GNG4: variants seen among roughly 807,000 people sequenced by gnomAD.
GNG4 encodes the protein G protein subunit gamma 4.
In GNG4, 4 loss-of-function variants were observed where a neutral mutation model predicts 5.8. That is an observed-to-expected ratio of 0.69 (90% CI 0.34 to 1.57). The LOEUF is 1.57. GNG4 is among the 40% of genes most tolerant of loss of function. The pLI is 0.06. For synonymous variants in GNG4, 29 were observed against 32.9 expected (o/e 0.88, Z 0.41); for missense variants, 96 against 95.1 (o/e 1.01, Z -0.04).
intron 3 of GNG4, among the ~76,000 whole-genome samples, chr1:235,572,224 T>G (rs772138739): frequency 4.6e-5 from 7 of 152,170 alleles, no homozygotes; most frequent in Non-Finnish European, 7.3e-5. Context: ...TAGATATCTT[T>G]TTTTTGAGAT....
At chr1:235,553,007 C>T (rs1456104547) in intron 3 of GNG4, among the ~76,000 whole-genome samples, 1 of 152,194 alleles carries the variant, frequency 6.6e-6, no homozygotes, top group Non-Finnish European at 1.5e-5. Context: ...GATCTGCCCA[C>T]CTCGGCTTCC....
chr1:235,583,380 C>T (rs1022818668), intron 3 of GNG4, among the ~76,000 whole-genome samples: 1 of 152,174 alleles, frequency 6.6e-6, no homozygotes, highest in African/African-American at 2.4e-5. Flanking sequence ...TCAAAATATC[C>T]GATGTTGTTG....
Position 235,583,776 on chromosome 1 carries a change from C to T in GNG4, c.63G>A (p.Glu21=), listed in dbSNP as rs199996399. Residue 21 remains glutamate (E), a synonymous_variant, in exon 3 of 4, where the codon GAG becomes GAA. Transcript: ENST00000391854. ...TSISQARKAV[E]QLKMEACMDR... ...CCATACAGGCTTCCATCTTTAGCTG[C>T]TCCACAGCTTTCCTGGCTTGGGAGA... The T allele has an allele frequency of 3.4e-5, 55 of 1,613,556 alleles. No individual in the cohort carries two copies. The highest frequency in any genetic ancestry group is 3.0e-5 in the Non-Finnish European group (35 of 1,179,604).
intron 2 of GNG4, among the ~76,000 whole-genome samples, chr1:235,590,419 C>T (rs907785840): frequency 6.6e-6 from 1 of 151,920 alleles, no homozygotes; most frequent in African/African-American, 2.4e-5. Context: ...TGCGCCACTG[C>T]ACTCCAGCCT....
chr1:235,592,099 G>A (rs776899656), intron 2 of GNG4, among the ~76,000 whole-genome samples: 1 of 152,178 alleles, frequency 6.6e-6, no homozygotes, highest in Non-Finnish European at 1.5e-5. Context: ...CTTAACATAT[G>A]TCTCTGAGTT....
At chr1:235,621,253 TTC>T (rs1688704468) in intron 1 of GNG4, among the ~76,000 whole-genome samples, 1 of 150,662 alleles carries the variant, frequency 6.6e-6, no homozygotes, top group African/African-American at 2.5e-5. Context: ...TTTTTAATTT[TTC>T]TTTTTTCTTT....
intron 1 of GNG4, among the ~76,000 whole-genome samples, chr1:235,606,223 A>G (rs1246891488): frequency 6.6e-6 from 1 of 152,116 alleles, no homozygotes; most frequent in African/African-American, 2.4e-5. Context: ...CTATTAAAAA[A>G]TACAAAAAAT....
intron 1 of GNG4, among the ~76,000 whole-genome samples, chr1:235,603,776 C>T (rs1331062419): frequency 1.3e-5 from 2 of 152,204 alleles, no homozygotes; most frequent in African/African-American, 4.8e-5. Flanking sequence ...ACCACAGTTT[C>T]TTAGGAAGAG....
At chr1:235,590,686 G>A (rs922912212) in intron 2 of GNG4, among the ~76,000 whole-genome samples, 4 of 152,128 alleles carry the variant, frequency 2.6e-5, no homozygotes, top group African/African-American at 4.8e-5. Context: ...GCGTGTTTGT[G>A]TTTTCTCTCT....
chr1:235,558,008 T>C (rs1187962598), intron 3 of GNG4, among the ~76,000 whole-genome samples: 2 of 152,106 alleles, frequency 1.3e-5, no homozygotes, highest in African/African-American at 4.8e-5. Context: ...AGAAAACGAG[T>C]TGTTCTTAGA....
intron 1 of GNG4, among the ~76,000 whole-genome samples, chr1:235,627,655 C>CTGTGCTTCAGACT (rs1688844302): frequency 6.6e-6 from 1 of 152,174 alleles, no homozygotes; most frequent in Non-Finnish European, 1.5e-5. Context: ...GGCAGTCAAT[C>CTGTGCTTCAGACT]TGTGCTTCAG....
At chr1:235,580,756 T>G (rs1004224449) in intron 3 of GNG4, among the ~76,000 whole-genome samples, 3 of 148,054 alleles carry the variant, frequency 2.0e-5, no homozygotes, top group Non-Finnish European at 4.5e-5. Context: ...GTTTTTTTTT[T>G]TTTTTTTTTC....
At chr1:235,597,480 T>C (rs1688148962) in intron 1 of GNG4, among the ~76,000 whole-genome samples, 1 of 149,008 alleles carries the variant, frequency 6.7e-6, no homozygotes, top group African/African-American at 2.5e-5. Flanking sequence ...GGTGGTTAAG[T>C]CATGAGGATG....
At chr1:235,628,617 C>G (rs918212356) in intron 1 of GNG4, among the ~76,000 whole-genome samples, 2 of 152,288 alleles carry the variant, frequency 1.3e-5, no homozygotes, top group South Asian at 4.1e-4. Context: ...TGTGTAAGTT[C>G]TGGGGAAACA....
chr1:235,611,676 CACTA>C (rs1558496536), intron 1 of GNG4, among the ~76,000 whole-genome samples: 1 of 152,070 alleles, frequency 6.6e-6, no homozygotes, highest in Non-Finnish European at 1.5e-5. Flanking sequence ...GGAAAGAGCC[CACTA>C]ACTTTCTGGG....
chr1:235,598,115 C>T (rs1186129884), intron 1 of GNG4, among the ~76,000 whole-genome samples: 1 of 152,184 alleles, frequency 6.6e-6, no homozygotes, highest in Non-Finnish European at 1.5e-5. Flanking sequence ...GGAAGCTGTT[C>T]TCTACCATCG....
intron 1 of GNG4, among the ~76,000 whole-genome samples, chr1:235,607,692 A>G (rs954009299): frequency 6.6e-6 from 1 of 152,134 alleles, no homozygotes; most frequent in East Asian, 1.9e-4. Context: ...ATGCCATCCC[A>G]TCGGCACGGC....
rs986868529 is a variant in GNG4, at chr1:235,616,795, G to A, written c.-122-21284C>T. On this transcript the variant is annotated intron_variant, in intron 1 of 3. Coordinates refer to ENST00000391854, the MANE Select transcript of GNG4 (RefSeq NM_001098722.2). ...GCTCTGTCACCCAGGCCGGAGTGCA[G>A]TGGCACGATGTCAGCTCACTGAAAC... is the stretch of plus-strand genomic sequence containing the variant. Among the ~76,000 whole-genome samples the A allele has an allele frequency of 2.0e-5, 3 of 152,222 alleles. No homozygotes were observed. In the East Asian group the frequency reaches 5.8e-4, roughly 29 times the overall value.
intron 2 of GNG4, among the ~76,000 whole-genome samples, chr1:235,587,980 C>G (rs1035191990): frequency 6.6e-6 from 1 of 151,530 alleles, no homozygotes; most frequent in Non-Finnish European, 1.5e-5. Flanking sequence ...GGGGAGGGAA[C>G]AGCTAACGTT....
Sources: gnomAD v4.1 joint callset for allele counts (sites outside exome capture counted in the v4.1 genomes callset) on GRCh38, gnomAD v4.1.1 for gene constraint, MANE v1.5 for transcripts, NCBI Gene and HGNC (gene_info 2026-07-23, HGNC 2026-07-21) for gene names.